The following SPIRE1 variants were observed in gnomAD, a reference collection of about 807,000 sequenced individuals.
SPIRE1 encodes protein spire homolog 1.
SPIRE1 carries 40 observed loss-of-function variants against 94.1 expected under a neutral mutation model. The observed-to-expected ratio is 0.43, with a 90% CI of 0.33 to 0.55. The LOEUF is 0.55. Ranked by LOEUF, SPIRE1 falls within the 20% of genes least tolerant of loss-of-function variation. SPIRE1 has a pLI of 0.06. For missense variants in SPIRE1, 838 were observed against 975.2 expected (o/e 0.86, Z 1.87); for synonymous variants, 376 against 371.7 (o/e 1.01, Z -0.13).
At chr18:12,494,553 G>A (rs1390426994) in intron 7 of SPIRE1, among the ~76,000 whole-genome samples, 2 of 151,896 alleles carry the variant, frequency 1.3e-5, no homozygotes. Flanking sequence ...ACCTCGGCCG[G>A]GCACGGTGGC....
At chr18:12,551,380 C>A (rs1283498723) in intron 2 of SPIRE1, among the ~76,000 whole-genome samples, 2 of 152,094 alleles carry the variant, frequency 1.3e-5, no homozygotes, top group Non-Finnish European at 2.9e-5. Context: ...GAAATCTTTT[C>A]AAAAACTTAT....
At chr18:12,545,773 A>G (rs942525023) in intron 3 of SPIRE1, among the ~76,000 whole-genome samples, 1 of 152,218 alleles carries the variant, frequency 6.6e-6, no homozygotes, top group African/African-American at 2.4e-5. Flanking sequence ...ATCTTCATGT[A>G]AGTAAGTGGA....
chr18:12,486,372 T>C (rs1327188358), intron 8 of SPIRE1, among the ~76,000 whole-genome samples: 2 of 152,226 alleles, frequency 1.3e-5, no homozygotes, highest in African/African-American at 4.8e-5. Context: ...ACATACAACA[T>C]CTTTAAAATT....
chr18:12,659,918 T>C (rs890784870), upstream of SPIRE1, among the ~76,000 whole-genome samples: 1 of 152,064 alleles, frequency 6.6e-6, no homozygotes, highest in Admixed American at 6.6e-5. Flanking sequence ...AGACAAACAT[T>C]CCCAAATTTT....
In SPIRE1 at chr18:12,506,493, G is replaced by T; in HGVS notation, c.956C>A (p.Thr319Asn). 6.2e-7 allele frequency: 1 copy of T among 1,613,948 alleles called. No individual in the cohort carries two copies. Among genetic ancestry groups the T allele is most frequent in the East Asian group, 2.2e-5 (1 of 44,874 alleles). The change falls in exon 6 of 17, where the codon ACC becomes AAC. Residue 319 changes from threonine (T) to asparagine (N), a missense_variant. This residue lies in a region of SPIRE1 where 645 missense variants were observed against 804.7 expected (regional missense o/e 0.80). Coordinates refer to ENST00000409402, the MANE Select transcript of SPIRE1 (RefSeq NM_001128626.2). Reference protein sequence around the residue: ...LMDDIRCKRYTLRKVMVNGDI... With the variant: ...LMDDIRCKRYNLRKVMVNGDI... Reference sequence around the variant, plus strand: ...GTTACTTACCATCACTTTTCGCAAGGTGTATCTTTTGCAGCGAATGTCATC... The same window carrying T: ...GTTACTTACCATCACTTTTCGCAAGTTGTATCTTTTGCAGCGAATGTCATC...
chr18:12,457,699 GTT>G (rs11313025), intron 12 of SPIRE1, among the ~76,000 whole-genome samples: 30 of 148,534 alleles, frequency 2.0e-4, no homozygotes, highest in East Asian at 5.9e-4. Context: ...AAATTGTTGA[GTT>G]TTTTTTTTTT....
At chr18:12,526,992 G>A (rs915091290) in intron 4 of SPIRE1, among the ~76,000 whole-genome samples, 1 of 152,158 alleles carries the variant, frequency 6.6e-6, no homozygotes, top group Non-Finnish European at 1.5e-5. Flanking sequence ...ACAGGCGTGA[G>A]CTACTGCGCC....
chr18:12,575,048 G>A (rs1488800355), intron 2 of SPIRE1, among the ~76,000 whole-genome samples: 1 of 152,056 alleles, frequency 6.6e-6, no homozygotes, highest in East Asian at 1.9e-4. Context: ...GAAGAAAAGG[G>A]GAAATACATG....
At chr18:12,569,636 C>CAACA (rs530028284) in intron 2 of SPIRE1, among the ~76,000 whole-genome samples, 2 of 142,082 alleles carry the variant, frequency 1.4e-5, no homozygotes, top group African/African-American at 5.1e-5. Flanking sequence ...ACAACAACAA[C>CAACA]AAAAAAAAAA....
At chr18:12,553,532 A>G (rs1331672104) in intron 2 of SPIRE1, among the ~76,000 whole-genome samples, 1 of 152,176 alleles carries the variant, frequency 6.6e-6, no homozygotes, top group Non-Finnish European at 1.5e-5. Context: ...ACTGTGTCCC[A>G]TGGTTTGAGT....
intron 4 of SPIRE1, among the ~76,000 whole-genome samples, chr18:12,516,695 T>C (rs2034204741): frequency 6.6e-6 from 1 of 152,236 alleles, no homozygotes; most frequent in African/African-American, 2.4e-5. Context: ...CTTTTATGTC[T>C]TAGGGGTACT....
intron 9 of SPIRE1, among the ~76,000 whole-genome samples, chr18:12,483,614 A>T (rs1026876224): frequency 2.6e-5 from 4 of 152,322 alleles, no homozygotes; most frequent in Non-Finnish European, 5.9e-5. Context: ...AGTTATACTT[A>T]CCATAAGTGA....
chr18:12,460,782 A>G (rs1281212964), intron 12 of SPIRE1, among the ~76,000 whole-genome samples: 1 of 152,204 alleles, frequency 6.6e-6, no homozygotes, highest in Non-Finnish European at 1.5e-5. Context: ...CAAATACAAA[A>G]TGATTCTTTG....
chr18:12,537,134 G>A (rs1232298792), intron 3 of SPIRE1, among the ~76,000 whole-genome samples: 1 of 152,132 alleles, frequency 6.6e-6, no homozygotes, highest in South Asian at 2.1e-4. Context: ...AGCAAAAAAA[G>A]CTAAAAGCTG....
At chr18:12,485,766 T>C (rs2033013581) in intron 9 of SPIRE1, among the ~76,000 whole-genome samples, 193 bp downstream of exon 9, 1 of 152,170 alleles carries the variant, frequency 6.6e-6, no homozygotes, top group South Asian at 2.1e-4. Flanking sequence ...AGAAAACAGA[T>C]TTACTGTAGT....
intron 2 of SPIRE1, among the ~76,000 whole-genome samples, chr18:12,554,469 T>C (rs1042566336): frequency 6.6e-6 from 1 of 151,980 alleles, no homozygotes; most frequent in African/African-American, 2.4e-5. Context: ...CCTGAACAGA[T>C]AAATAATAAG....
At chr18:12,605,525 TAA>T (rs1472835881) in intron 2 of SPIRE1, among the ~76,000 whole-genome samples, 1 of 151,932 alleles carries the variant, frequency 6.6e-6, no homozygotes, top group African/African-American at 2.4e-5. Context: ...AAAATTAAAA[TAA>T]AATAAAGAAA....
At chr18:12,501,072 C>CAAAAAA (rs67894900) in intron 6 of SPIRE1, among the ~76,000 whole-genome samples, 24 of 80,268 alleles carry the variant, frequency 3.0e-4, no homozygotes, top group East Asian at 5.2e-4. Context: ...AACTCTGTCT[C>CAAAAAA]AAAAAAAAAA....
At chr18:12,519,456 T>A (rs185508253) in intron 4 of SPIRE1, among the ~76,000 whole-genome samples, 11 of 152,304 alleles carry the variant, frequency 7.2e-5, no homozygotes, top group African/African-American at 2.6e-4. Flanking sequence ...CTGCTCTACA[T>A]AGCTGGACTG....
Sources: allele counts gnomAD v4.1 joint callset (sites outside exome capture counted in the v4.1 genomes callset), GRCh38; gene constraint gnomAD v4.1.1; regional missense constraint gnomAD v4.1.1; transcripts MANE v1.5; gene names NCBI Gene and HGNC (gene_info 2026-07-23, HGNC 2026-07-21).